The following KCND2 variants were observed in gnomAD, a reference collection of about 807,000 sequenced individuals.
The protein encoded by KCND2 is A-type voltage-gated potassium channel KCND2.
KCND2 carries 16 observed loss-of-function variants against 54.4 expected under a neutral mutation model. The observed-to-expected ratio is 0.29, with a 90% CI of 0.20 to 0.45. KCND2 has a LOEUF of 0.45. KCND2 is among the 20% of genes least tolerant of loss of function. The pLI is 1.00. For missense variants in KCND2, 486 were observed against 824.2 expected (o/e 0.59, Z 5.02); for synonymous variants, 317 against 310.7 (o/e 1.02, Z -0.21).
At chr7:120,353,575 A>G (rs1385820202) in intron 1 of KCND2, among the ~76,000 whole-genome samples, 1 of 152,120 alleles carries the variant, frequency 6.6e-6, no homozygotes, top group African/African-American at 2.4e-5. Context: ...CTTGGGGAAA[A>G]GAAGGAAATG....
chr7:120,341,758 A>G (rs1243756611), intron 1 of KCND2, among the ~76,000 whole-genome samples: 1 of 152,174 alleles, frequency 6.6e-6, no homozygotes, highest in Non-Finnish European at 1.5e-5. Flanking sequence ...TGAAATTGCC[A>G]ATAACTAAAT....
chr7:120,726,418 T>C (rs1403026122), intron 1 of KCND2, among the ~76,000 whole-genome samples: 2 of 152,166 alleles, frequency 1.3e-5, no homozygotes, highest in Non-Finnish European at 2.9e-5. Context: ...ACCAAGCTGA[T>C]GGCAGAAAAT....
chr7:120,653,194 T>C, intron 1 of KCND2, among the ~76,000 whole-genome samples: 1 of 146,242 alleles, frequency 6.8e-6, no homozygotes, highest in Non-Finnish European at 1.5e-5. Flanking sequence ...CCACCATGCC[T>C]GGCTACATTT....
At chr7:120,307,274 A>G (rs750454360) in intron 1 of KCND2, among the ~76,000 whole-genome samples, 3 of 151,950 alleles carry the variant, frequency 2.0e-5, no homozygotes, top group Non-Finnish European at 4.4e-5. Context: ...TCTAGTATTT[A>G]TTTATTTTTT....
intron 1 of KCND2, among the ~76,000 whole-genome samples, chr7:120,389,457 A>C (rs1341576708): frequency 6.6e-6 from 1 of 151,834 alleles, no homozygotes; most frequent in East Asian, 1.9e-4. Context: ...ACCATACGTT[A>C]GATTTTTAGG....
At chr7:120,618,014 G>C (rs1456435794) in intron 1 of KCND2, among the ~76,000 whole-genome samples, 1 of 149,814 alleles carries the variant, frequency 6.7e-6, no homozygotes, top group African/African-American at 2.5e-5. Context: ...TACTCAAACA[G>C]TGAGAGTAGG....
intron 1 of KCND2, among the ~76,000 whole-genome samples, chr7:120,340,689 A>G (rs1285148414): frequency 6.6e-6 from 1 of 152,176 alleles, no homozygotes; most frequent in African/African-American, 2.4e-5. Context: ...TCCAGAGTTC[A>G]TTGGTGATCT....
intron 1 of KCND2, among the ~76,000 whole-genome samples, chr7:120,653,170 C>A (rs141011641): frequency 2.5e-4 from 38 of 151,736 alleles, no homozygotes; most frequent in African/African-American, 8.7e-4. Context: ...GTAACTGGGA[C>A]CCACAGGCAC....
chr7:120,407,760 ATAT>A (rs895087297), intron 1 of KCND2, among the ~76,000 whole-genome samples: 2 of 151,276 alleles, frequency 1.3e-5, no homozygotes, highest in African/African-American at 2.4e-5. Context: ...AATTGTAATC[ATAT>A]TATAAAAACA....
intron 1 of KCND2, among the ~76,000 whole-genome samples, chr7:120,677,583 A>G (rs920218505): frequency 2.0e-5 from 3 of 149,454 alleles, no homozygotes; most frequent in Non-Finnish European, 3.0e-5. Context: ...ATATATAGAT[A>G]TATAAAATAC....
At chr7:120,294,482 CA>C (rs950944551) in intron 1 of KCND2, among the ~76,000 whole-genome samples, 3 of 151,572 alleles carry the variant, frequency 2.0e-5, no homozygotes, top group Non-Finnish European at 3.0e-5. Flanking sequence ...TATATTATCT[CA>C]TTTATAAAAT....
At chr7:120,475,629 A>G (rs1438335016) in intron 1 of KCND2, among the ~76,000 whole-genome samples, 1 of 152,202 alleles carries the variant, frequency 6.6e-6, no homozygotes, top group Admixed American at 6.5e-5. Context: ...AAATAACAAC[A>G]TGGTGGAGCT....
chr7:120,711,800 T>C (rs1293736143), intron 1 of KCND2, among the ~76,000 whole-genome samples: 1 of 152,162 alleles, frequency 6.6e-6, no homozygotes, highest in African/African-American at 2.4e-5. Flanking sequence ...TTGAGTTTAT[T>C]TTTTATTTTA....
chr7:120,652,459 G>A (rs1791747850), intron 1 of KCND2, among the ~76,000 whole-genome samples: 1 of 152,122 alleles, frequency 6.6e-6, no homozygotes, highest in Admixed American at 6.6e-5. Context: ...TCCTGTGGAT[G>A]TCCCCATGCA....
chr7:120,487,339 G>A (rs998490152), intron 1 of KCND2, among the ~76,000 whole-genome samples: 16 of 151,242 alleles, frequency 1.1e-4, no homozygotes, highest in African/African-American at 3.7e-4. Context: ...AGAATAAAAC[G>A]AACAACAATT....
rs574664511 is a variant in KCND2 at position 120,632,659 on chromosome 7, G to A, written c.1116-100244G>A. Among the ~76,000 whole-genome samples, 109 of 152,186 alleles carry A rather than the reference G, an allele frequency of 7.2e-4. 2 individuals are homozygous for A. Among genetic ancestry groups the A allele is most frequent in the African/African-American group, 2.5e-3 (102 of 41,522 alleles). ...GCATGATTTATTTGTTGTTCTCTAT[G>A]TAATGGACACTATACATAAATTATC... On this transcript the variant is annotated intron_variant, in intron 1 of 5. Coordinates refer to ENST00000331113, the MANE Select transcript of KCND2 (RefSeq NM_012281.3).
intron 1 of KCND2, among the ~76,000 whole-genome samples, chr7:120,546,387 T>C (rs1792042588): frequency 6.6e-6 from 1 of 151,940 alleles, no homozygotes; most frequent in Non-Finnish European, 1.5e-5. Flanking sequence ...TAATTTTATA[T>C]TCAGTTTTTA....
In KCND2 at chr7:120,613,252, A is replaced by G. The variant is rs147153893; in HGVS notation, c.1116-119651A>G. On this transcript the variant is annotated intron_variant, in intron 1 of 5. Coordinates refer to ENST00000331113, the MANE Select transcript of KCND2 (RefSeq NM_012281.3). ...AGCCTCAAGAAAGAGGGTTGTGGCCAGGCATAGTGGTTCATGCCTGTAATC... is the reference window on the plus strand; with the variant it reads ...AGCCTCAAGAAAGAGGGTTGTGGCCGGGCATAGTGGTTCATGCCTGTAATC... Among the ~76,000 whole-genome samples the G allele has an allele frequency of 2.4e-3, 358 of 152,304 alleles. 1 individual carries two copies. The highest frequency in any genetic ancestry group is 3.9e-3 in the Admixed American group (59 of 15,296).
chr7:120,557,420 A>G (rs1176507401), intron 1 of KCND2, among the ~76,000 whole-genome samples: 2 of 152,120 alleles, frequency 1.3e-5, no homozygotes, highest in Non-Finnish European at 2.9e-5. Flanking sequence ...CTAGTGTTAT[A>G]AGTATCTTTA....
Sources: allele counts gnomAD v4.1 joint callset (sites outside exome capture counted in the v4.1 genomes callset), GRCh38; gene constraint gnomAD v4.1.1; transcripts MANE v1.5; gene names NCBI Gene and HGNC (gene_info 2026-07-23, HGNC 2026-07-21).